The following SMARCB1 variants were observed in gnomAD, a reference collection of about 807,000 sequenced individuals.
SMARCB1 encodes the protein SWI/SNF-related matrix-associated actin-dependent regulator of chromatin subfamily B member 1.
In SMARCB1, 5 loss-of-function variants were observed where a neutral mutation model predicts 49.0. That is an observed-to-expected ratio of 0.10 (90% CI 0.05 to 0.21). SMARCB1 has a LOEUF of 0.21. SMARCB1 is among the 10% of genes least tolerant of loss of function. The pLI, the probability that SMARCB1 is intolerant of heterozygous loss-of-function variation, is 1.00. For synonymous variants in SMARCB1, 201 were observed against 200.1 expected (o/e 1.00, Z -0.04); for missense variants, 226 against 509.2 (o/e 0.44, Z 5.35).
chr22:23,821,418 TCTTCCTTC>T (rs1470798887), intron 6 of SMARCB1, among the ~76,000 whole-genome samples: 1 of 152,096 alleles, frequency 6.6e-6, no homozygotes, highest in Admixed American at 6.5e-5. Flanking sequence ...GGTATTTCTT[TCTTCCTTC>T]CTTTTTTTTC....
intron 3 of SMARCB1, among the ~76,000 whole-genome samples, chr22:23,798,606 A>C (rs1316000888): frequency 6.6e-6 from 1 of 151,970 alleles, no homozygotes; most frequent in African/African-American, 2.4e-5. Context: ...TCAGCATCAG[A>C]CGTGTAAGTG....
Position 23,835,189 on chromosome 22 carries a change from C to T in SMARCB1, c.*1009C>T. ...GACACAGCCCAGGGTCCCTTCCCAG[C>T]CCTGCCTCCAAGGAGTTCATGTCCC... On this transcript the variant is annotated 3_prime_UTR_variant, in exon 9 of 9. Coordinates refer to ENST00000644036, the MANE Select transcript of SMARCB1 (RefSeq NM_003073.5). 1 of 1,274,296 alleles carries T rather than the reference C, an allele frequency of 7.8e-7. No homozygotes were observed. The highest frequency in any genetic ancestry group is 9.9e-7 in the Non-Finnish European group (1 of 1,012,116). 78.9% of individuals were successfully genotyped at this position (1,274,296 alleles called of 1,614,324 possible).
rs750187119 is a variant in SMARCB1, at chr22:23,834,165, G to C, written c.1143G>C (p.Thr381=). Residue 381 remains threonine, a synonymous_variant, in exon 9 of 9, where the codon ACG becomes ACC. Coordinates refer to ENST00000644036, the MANE Select transcript of SMARCB1 (RefSeq NM_003073.5). ...GGCGGATGAGGCGTCTTGCCAACACGGCCCCGGCCTGGTAACCAGCCCATC... is the reference window on the plus strand; with the variant it reads ...GGCGGATGAGGCGTCTTGCCAACACCGCCCCGGCCTGGTAACCAGCCCATC... ...NTRRMRRLAN[T]APAW 2 of 1,593,522 alleles carry C rather than the reference G, an allele frequency of 1.3e-6. No homozygotes were observed. Among genetic ancestry groups the C allele is most frequent in the Non-Finnish European group, 1.7e-6 (2 of 1,170,386 alleles).
intron 6 of SMARCB1, among the ~76,000 whole-genome samples, chr22:23,819,899 T>C (rs2029988949): frequency 6.6e-6 from 1 of 152,124 alleles, no homozygotes; most frequent in African/African-American, 2.4e-5. Flanking sequence ...TGATCTTGGC[T>C]CACTGCAACT....
chr22:23,807,361 A>G (rs1929556846), intron 5 of SMARCB1, among the ~76,000 whole-genome samples: 1 of 146,316 alleles, frequency 6.8e-6, no homozygotes, highest in Non-Finnish European at 1.5e-5. Context: ...AGGTGGGCAG[A>G]TCACTTTACC....
intron 8 of SMARCB1, 125 bp from the exon 9 acceptor site, chr22:23,834,016 G>A: frequency 1.9e-6 from 2 of 1,064,562 alleles, no homozygotes; most frequent in Non-Finnish European, 2.8e-6. Context: ...GTCTGACCCT[G>A]CTGGGGGCCC....
At position 23,835,870 on chromosome 22, in the gene SMARCB1, C is replaced by A; in HGVS notation, c.*1690C>A. 1.0e-6 allele frequency: 1 copy of A among 985,508 alleles called. No homozygotes were observed. Among genetic ancestry groups the A allele is most frequent in the South Asian group, 4.7e-5 (1 of 21,288 alleles). The allele number at this position is 985,508 out of a possible 1,614,324, so 61.0% of individuals were successfully genotyped here. On this transcript the variant is annotated 3_prime_UTR_variant, in exon 9 of 9. Transcript: ENST00000644036. ...TGCCGGGAAGGCTGGGCCCTCACTCCTGACCGCCAGCTCACACCGCCGCAA... is the reference window on the plus strand; with the variant it reads ...TGCCGGGAAGGCTGGGCCCTCACTCATGACCGCCAGCTCACACCGCCGCAA...
rs2146041839 is a variant in SMARCB1, at chr22:23,833,598, T to C, written c.1013T>C (p.Ile338Thr). 2 of 1,614,168 alleles carry C rather than the reference T, an allele frequency of 1.2e-6. No individual in the cohort carries two copies. Among genetic ancestry groups the C allele is most frequent in the Non-Finnish European group, 1.7e-6 (2 of 1,180,024 alleles). Residue 338 changes from isoleucine to threonine, a missense_variant, in exon 8 of 9, where the codon ATT (isoleucine) becomes ACT (threonine). Transcript: ENST00000644036. ...GAGAACCCTCTGCCCACAGTGGAGA[T>C]TGCCATCCGGAACACGGGCGATGCG... ...FSENPLPTVE[I>T]AIRNTGDADQ...
rs536330766 is a variant in SMARCB1, at chr22:23,799,736, G to A, written c.363-1208G>A. ...GTCTTGCTCTGTCTCCCACTCTGGA[G>A]TGCAGTGGCGCAATGTTGGCTCACT... On this transcript the variant is annotated intron_variant, in intron 3 of 8. Coordinates refer to ENST00000644036, the MANE Select transcript of SMARCB1 (RefSeq NM_003073.5). 8.2e-5 allele frequency among the ~76,000 whole-genome samples: 11 copies of A among 134,170 alleles called. No homozygotes were observed. In the South Asian group the frequency reaches 2.4e-3, roughly 30 times the overall value. 88.0% of individuals were successfully genotyped at this position (134,170 alleles called of 152,430 possible). A position where few individuals can be genotyped will look rare whatever the true frequency, so the allele number is the denominator to read the frequency against.
Position 23,823,006 on chromosome 22 carries a change from A to T in SMARCB1, c.796-2219A>T, listed in dbSNP as rs542263883. 283 of 98,042 alleles carry T rather than the reference A, an allele frequency of 2.9e-3. 6 individuals carry two copies. Among genetic ancestry groups the T allele is most frequent in the Middle Eastern group, 0.011 (1 of 88 alleles). The allele number at this position is 98,042 out of a possible 1,614,324, so 6.1% of individuals were successfully genotyped here. ...TTTTTTTTTTTTTTTTTTGACACAGAGTCTCGCTGTGTTGCCCAGGCTGGA... is the reference window on the plus strand; with the variant it reads ...TTTTTTTTTTTTTTTTTTGACACAGTGTCTCGCTGTGTTGCCCAGGCTGGA... On this transcript the variant is annotated intron_variant, in intron 6 of 8. Coordinates refer to ENST00000644036, the MANE Select transcript of SMARCB1 (RefSeq NM_003073.5).
At chr22:23,796,270 G>A (rs1241920030) in intron 3 of SMARCB1, among the ~76,000 whole-genome samples, 1 of 152,176 alleles carries the variant, frequency 6.6e-6, no homozygotes, top group Non-Finnish European at 1.5e-5. Flanking sequence ...AGAATATGGA[G>A]TCGCTTAAGT....
At chr22:23,830,780 G>T (rs1346824498) in intron 7 of SMARCB1, among the ~76,000 whole-genome samples, 2 of 148,446 alleles carry the variant, frequency 1.3e-5, no homozygotes, top group Admixed American at 6.8e-5. Flanking sequence ...TCCTACCTCA[G>T]CCTCCCAAGT....
At position 23,833,572 on chromosome 22, in the gene SMARCB1, C is replaced by T. The variant is rs137942040; in HGVS notation, c.987C>T (p.Ser329=). ...CTCTCACTGCCTCCCCTCCTCGTAG[C>T]GAGAACCCTCTGCCCACAGTGGAGA... is the stretch of plus-strand genomic sequence containing the variant. ...LSWHQKTYAF[S]ENPLPTVEIA... The change falls in exon 8 of 9, where the codon AGC becomes AGT. Residue 329 remains serine (S), a splice_region_variant and synonymous_variant. Coordinates refer to ENST00000644036, the MANE Select transcript of SMARCB1 (RefSeq NM_003073.5). 8.4e-5 allele frequency: 136 copies of T among 1,614,206 alleles called. No individual in the cohort carries two copies. The African/African-American group carries it at 1.5e-3, about 17-fold the overall frequency.
chr22:23,792,505 C>G (rs939219378), intron 2 of SMARCB1: 1 of 197,630 alleles, frequency 5.1e-6, no homozygotes, highest in Admixed American at 5.3e-5. Context: ...GGAGACACTC[C>G]CATGGAGACA....
intron 7 of SMARCB1, among the ~76,000 whole-genome samples, chr22:23,833,321 G>C (rs908403063): frequency 2.6e-5 from 4 of 152,216 alleles, no homozygotes; most frequent in African/African-American, 9.6e-5. Context: ...GAGACAGAGA[G>C]ACGCTGGGCA....
At chr22:23,801,213 C>A in intron 4 of SMARCB1, 132 bp downstream of exon 4, 1 of 1,249,168 alleles carries the variant, frequency 8.0e-7, no homozygotes, top group Non-Finnish European at 1.2e-6. Context: ...AGTACCTCCT[C>A]GCCTTTGAAC....
chr22:23,798,877 C>G (rs1051040538), intron 3 of SMARCB1, among the ~76,000 whole-genome samples: 1 of 151,924 alleles, frequency 6.6e-6, no homozygotes, highest in Non-Finnish European at 1.5e-5. Flanking sequence ...GGTGAAACCC[C>G]GTCTCTACTA....
chr22:23,829,281 G>T (rs1302926148), intron 7 of SMARCB1, among the ~76,000 whole-genome samples: 1 of 152,230 alleles, frequency 6.6e-6, no homozygotes, highest in Non-Finnish European at 1.5e-5. Context: ...GGCAGTTGGG[G>T]GCATAGAACC....
intron 7 of SMARCB1, among the ~76,000 whole-genome samples, chr22:23,830,476 TTTTA>T (rs1207373573): frequency 6.6e-6 from 1 of 152,096 alleles, no homozygotes; most frequent in Non-Finnish European, 1.5e-5. Flanking sequence ...CTTAATTGGG[TTTTA>T]TTTTATTGTT....
Sources: gnomAD v4.1 joint callset for allele counts (sites outside exome capture counted in the v4.1 genomes callset) on GRCh38, gnomAD v4.1.1 for gene constraint, MANE v1.5 for transcripts, NCBI Gene and HGNC (gene_info 2026-07-23, HGNC 2026-07-21) for gene names.